Variants in LGALS12 observed in about 807,000 individuals in gnomAD.
The protein encoded by LGALS12 is galectin 12, also known as galectin-12.
A neutral mutation model predicts 36.8 loss-of-function variants in LGALS12; 36 were observed. The observed-to-expected ratio is 0.98, with a 90% CI of 0.75 to 1.29. LGALS12 has a LOEUF of 1.29. LGALS12 is among the 50% of genes most tolerant of loss of function. The pLI is 0.00. For synonymous variants in LGALS12, 145 were observed against 155.9 expected, an observed-to-expected ratio of 0.93 and a Z score of 0.52; for missense variants, 366 against 394.3, an observed-to-expected ratio of 0.93 and a Z score of 0.61.
chr11:63,509,955 C>T (rs1008130180), intron 4 of LGALS12, 58 bp downstream of exon 4: 27 of 1,569,110 alleles, frequency 1.7e-5, no homozygotes, highest in Admixed American at 3.7e-5. Flanking sequence ...CCCCTGACTC[C>T]TGGACGGGCC....
intron 4 of LGALS12, among the ~76,000 whole-genome samples, chr11:63,510,198 G>A (rs1034694509): frequency 6.6e-6 from 1 of 152,192 alleles, no homozygotes; most frequent in Non-Finnish European, 1.5e-5. Context: ...GGCCGAAACG[G>A]GTGGCAGCTG....
intron 7 of LGALS12, among the ~76,000 whole-genome samples, chr11:63,514,303 G>A (rs2017013592): frequency 6.6e-6 from 1 of 152,218 alleles, no homozygotes; most frequent in Non-Finnish European, 1.5e-5. Flanking sequence ...CGGGCGCGGT[G>A]GCTCAAGCCT....
intron 6 of LGALS12, 24 bp from the exon 7 acceptor site, chr11:63,511,728 T>C (rs1312004271): frequency 2.5e-6 from 4 of 1,582,456 alleles, no homozygotes; most frequent in Middle Eastern, 1.7e-4. Flanking sequence ...AGTCAACTTC[T>C]CAATACCTCC....
Position 63,508,584 on chromosome 11 carries a change from G to A in LGALS12, c.101G>A (p.Gly34Asp). 1.2e-6 allele frequency: 2 copies of A among 1,614,100 alleles called. No individual in the cohort carries two copies. The highest frequency in any genetic ancestry group is 1.7e-6 in the Non-Finnish European group (2 of 1,180,008). ...CCTTATGTCACGACGATTTTTGGAGGCCTGCATGCAGGCAAGATGGTCATG... is the reference window on the plus strand; with the variant it reads ...CCTTATGTCACGACGATTTTTGGAGACCTGCATGCAGGCAAGATGGTCATG... ...VVPYVTTIFG[G>D]LHAGKMVMLQ... The change falls in exon 2 of 9, where the codon GGC (glycine) becomes GAC (aspartate). Residue 34 changes from glycine to aspartate, a missense_variant. Transcript: ENST00000394618.
In LGALS12 at chr11:63,506,458, C is replaced by T. The variant is rs181051270; in HGVS notation, c.-1C>T. Reference sequence around the variant, plus strand: ...TCTACAGTTGGAGTTGCCCCACTGTCATGTCACCTGGAGAAAAACTGGACC... The same window carrying T: ...TCTACAGTTGGAGTTGCCCCACTGTTATGTCACCTGGAGAAAAACTGGACC... On this transcript the variant is annotated 5_prime_UTR_variant, in exon 1 of 9. Coordinates refer to ENST00000394618, the MANE Select transcript of LGALS12 (RefSeq NM_033101.4). 1.2e-6 allele frequency: 2 copies of T among 1,614,198 alleles called. No individual in the cohort carries two copies. Among genetic ancestry groups the T allele is most frequent in the African/African-American group, 2.7e-5 (2 of 75,054 alleles).
Position 63,508,633 on chromosome 11 carries a change from T to A in LGALS12, c.150T>A (p.Asp50Glu). The A allele has an allele frequency of 6.2e-7, 1 of 1,614,042 alleles. No individual in the cohort carries two copies. The highest frequency in any genetic ancestry group is 8.5e-7 in the Non-Finnish European group (1 of 1,180,008). ...TGCTGCAAGGAGTGGTCCCTCTAGA[T>A]GCACACAGGTAAGGCGGGGGAGGTG... ...MVMLQGVVPL[D>E]AHRFQVDFQC... is the part of the protein sequence containing the mutation. Residue 50 changes from aspartate (D) to glutamate (E), a missense_variant, in exon 2 of 9, where the codon GAT (aspartate) becomes GAA (glutamate). Coordinates refer to ENST00000394618, the MANE Select transcript of LGALS12 (RefSeq NM_033101.4).
intron 8 of LGALS12, 120 bp from the exon 9 acceptor site, chr11:63,516,127 G>A (rs1482937463): frequency 2.6e-5 from 33 of 1,251,392 alleles, no homozygotes; most frequent in African/African-American, 6.1e-5. Context: ...TGTACTGGGT[G>A]CCCCCTGGGT....
At chr11:63,513,982 A>C (rs919072590) in intron 7 of LGALS12, among the ~76,000 whole-genome samples, 3 of 152,184 alleles carry the variant, frequency 2.0e-5, no homozygotes, top group Non-Finnish European at 2.9e-5. Flanking sequence ...AGGAAGACAC[A>C]GTGTTGTCTG....
chr11:63,510,029 G>A, intron 4 of LGALS12, 132 bp downstream of exon 4: 2 of 1,121,760 alleles, frequency 1.8e-6, no homozygotes, highest in South Asian at 3.3e-5. Flanking sequence ...AATAGCCAAG[G>A]GGGAGGGAGT....
At chr11:63,507,789 C>G (rs531844932) in intron 1 of LGALS12, among the ~76,000 whole-genome samples, 55 of 120,120 alleles carry the variant, frequency 4.6e-4, no homozygotes, top group South Asian at 2.3e-3. Flanking sequence ...GGCTGAAGTA[C>G]AGTGGCATGA....
chr11:63,506,711 G>C (rs1014751627), intron 1 of LGALS12, among the ~76,000 whole-genome samples, 184 bp downstream of exon 1: 1 of 152,206 alleles, frequency 6.6e-6, no homozygotes, highest in Non-Finnish European at 1.5e-5. Flanking sequence ...TCCCACTTGG[G>C]TGTAAATGAC....
chr11:63,508,244 C>A, intron 1 of LGALS12: 2 of 1,218,364 alleles, frequency 1.6e-6, no homozygotes, highest in Non-Finnish European at 2.1e-6. Context: ...GGATGGCAAG[C>A]CTCCCTGGGG....
intron 3 of LGALS12, among the ~76,000 whole-genome samples, chr11:63,509,549 G>A (rs909665837): frequency 7.2e-5 from 11 of 152,228 alleles, no homozygotes; most frequent in African/African-American, 2.7e-4. Flanking sequence ...AGGGGCCTCT[G>A]TTGGGGTAGA....
At chr11:63,515,866 G>T (rs535669010) in intron 8 of LGALS12, among the ~76,000 whole-genome samples, 153 bp downstream of exon 8, 1 of 152,252 alleles carries the variant, frequency 6.6e-6, no homozygotes, top group Non-Finnish European at 1.5e-5. Context: ...CTGTACAGCA[G>T]TCCTCAACGC....
intron 1 of LGALS12, 163 bp from the exon 2 acceptor site, chr11:63,508,390 G>A (rs2016805205): frequency 6.9e-7 from 1 of 1,448,498 alleles, no homozygotes; most frequent in African/African-American, 1.4e-5. Flanking sequence ...GGATTAGGTG[G>A]AAGAAAATAT....
At chr11:63,515,005 T>A (rs1436056476) in intron 7 of LGALS12, among the ~76,000 whole-genome samples, 4 of 152,184 alleles carry the variant, frequency 2.6e-5, no homozygotes, top group Non-Finnish European at 5.9e-5. Flanking sequence ...TTCATTTAAT[T>A]CTTACAACAA....
Position 63,506,436 on chromosome 11 carries a change from A to G in LGALS12, c.-23A>G, listed in dbSNP as rs369229354. ...GGCAGGGCTCCTGGAACGAGGATCT[A>G]CAGTTGGAGTTGCCCCACTGTCATG... On this transcript the variant is annotated 5_prime_UTR_variant, in exon 1 of 9. Transcript: ENST00000394618. 3 of 1,614,204 alleles carry G rather than the reference A, an allele frequency of 1.9e-6. No homozygotes were observed. Among genetic ancestry groups the G allele is most frequent in the Non-Finnish European group, 2.5e-6 (3 of 1,180,022 alleles).
Position 63,510,464 on chromosome 11 carries a change from C to G in LGALS12, c.494C>G (p.Pro165Arg). The G allele has an allele frequency of 6.2e-7, 1 of 1,614,066 alleles. No individual in the cohort carries two copies. The highest frequency in any genetic ancestry group is 8.5e-7 in the Non-Finnish European group (1 of 1,179,948). Residue 165 changes from proline to arginine, a missense_variant and splice_region_variant, in exon 5 of 9, where the codon CCA becomes CGA. Transcript: ENST00000394618. ...ATTCTTTTCTCTCTTTCTGAACAGCCATTTGTGGAGGGCAGCAGAGAGTAC... is the reference window on the plus strand; with the variant it reads ...ATTCTTTTCTCTCTTTCTGAACAGCGATTTGTGGAGGGCAGCAGAGAGTAC... Reference protein sequence around the residue: ...VEAVGFLNINPFVEGSREYPA... With the variant: ...VEAVGFLNINRFVEGSREYPA...
intron 7 of LGALS12, among the ~76,000 whole-genome samples, chr11:63,513,690 G>A (rs894140773): frequency 7.2e-5 from 11 of 152,198 alleles, no homozygotes; most frequent in Admixed American, 2.0e-4. Context: ...CTTGAATGGG[G>A]CAGAGAGAGT....
Sources: gnomAD v4.1 joint callset for allele counts (sites outside exome capture counted in the v4.1 genomes callset) on GRCh38, gnomAD v4.1.1 for gene constraint, MANE v1.5 for transcripts, NCBI Gene and HGNC (gene_info 2026-07-23, HGNC 2026-07-21) for gene names.